Variants in NALF1 observed in about 807,000 individuals in gnomAD.
NALF1 encodes family with sequence similarity 155 member A.
Under a neutral mutation model 48.4 loss-of-function variants are expected in NALF1, and 3 were observed. The observed-to-expected ratio is 0.06, with a 90% CI of 0.03 to 0.16. The LOEUF is 0.16. Among genes scored for constraint, NALF1 ranks in the 10% least tolerant of loss-of-function variants. The pLI is 1.00. For missense variants in NALF1, 526 were observed against 571.5 expected, an observed-to-expected ratio of 0.92 and a Z score of 0.81; for synonymous variants, 262 against 245.7, an observed-to-expected ratio of 1.07 and a Z score of -0.62.
chr13:107,665,813 TA>T (rs1262249375), intron 1 of NALF1, among the ~76,000 whole-genome samples: 6 of 152,088 alleles, frequency 3.9e-5, no homozygotes, highest in African/African-American at 1.4e-4. Context: ...ATGAAAAAGA[TA>T]AACTTTATTT....
intron 1 of NALF1, among the ~76,000 whole-genome samples, chr13:107,348,334 G>A (rs541928623): frequency 3.9e-5 from 6 of 152,144 alleles, no homozygotes; most frequent in East Asian, 1.9e-4. Context: ...AAAGTGTTAC[G>A]TTCACTCGGA....
chr13:107,695,384 A>G (rs922593514), intron 1 of NALF1, among the ~76,000 whole-genome samples: 2 of 152,310 alleles, frequency 1.3e-5, no homozygotes, highest in East Asian at 3.9e-4. Flanking sequence ...ACAAACAAAC[A>G]TAAGTCGACC....
At chr13:107,506,670 C>G (rs146556677) in intron 1 of NALF1, among the ~76,000 whole-genome samples, 4 of 152,060 alleles carry the variant, frequency 2.6e-5, no homozygotes, top group Non-Finnish European at 5.9e-5. Context: ...TTTCATTTTA[C>G]ATAATATTTT....
chr13:107,545,176 A>C (rs1456682554), intron 1 of NALF1, among the ~76,000 whole-genome samples: 1 of 152,234 alleles, frequency 6.6e-6, no homozygotes, highest in Non-Finnish European at 1.5e-5. Flanking sequence ...CATTCACATA[A>C]GATGAAGAAA....
chr13:107,664,249 T>C (rs748460792), intron 1 of NALF1, among the ~76,000 whole-genome samples: 9 of 152,140 alleles, frequency 5.9e-5, no homozygotes, highest in South Asian at 4.1e-4. Context: ...ACAAAATCTG[T>C]CCACTTATCT....
At position 107,166,060 on chromosome 13, in the gene NALF1, ATC is replaced by A. The variant is rs1474948209; in HGVS notation, c.*4435_*4436del. The A allele has an allele frequency of 6.6e-6, 1 of 151,588 alleles. No individual in the cohort carries two copies. Among genetic ancestry groups the A allele is most frequent in the Non-Finnish European group, 1.5e-5 (1 of 67,936 alleles). The allele number at this position is 151,588 out of a possible 1,614,324, so 9.4% of individuals were successfully genotyped here. A position where few individuals can be genotyped will look rare whatever the true frequency, so the allele number is the denominator to read the frequency against. ...TGTGTGTATGTATATATATCTTTAT[ATC>A]TCTCTAAAGATATGCCATAGTATAT... On this transcript the variant is annotated 3_prime_UTR_variant, in exon 3 of 3. Transcript: ENST00000375915.
chr13:107,833,711 TGAAA>T (rs1879808477), intron 1 of NALF1, among the ~76,000 whole-genome samples: 1 of 152,186 alleles, frequency 6.6e-6, no homozygotes, highest in Non-Finnish European at 1.5e-5. Context: ...GTTAAAATGT[TGAAA>T]GAAAGGACAA....
chr13:107,660,119 A>G (rs7491291), intron 1 of NALF1, among the ~76,000 whole-genome samples: 86,092 of 151,838 alleles, frequency 0.57, 25,291 homozygotes, highest in African/African-American at 0.72. Context: ...TTTTGATAAC[A>G]CAAACCATAG....
chr13:107,440,566 G>A (rs879532450), intron 1 of NALF1, among the ~76,000 whole-genome samples: 2 of 152,156 alleles, frequency 1.3e-5, no homozygotes, highest in Non-Finnish European at 1.5e-5. Flanking sequence ...AGAGGACACC[G>A]TGTTCTCTGA....
intron 1 of NALF1, among the ~76,000 whole-genome samples, chr13:107,229,983 G>A (rs1880186206): frequency 6.6e-6 from 1 of 152,186 alleles, no homozygotes. Flanking sequence ...GTAGAGAGAA[G>A]TCCTGTTGCA....
chr13:107,205,514 C>A (rs540705356), intron 2 of NALF1, among the ~76,000 whole-genome samples: 1 of 152,228 alleles, frequency 6.6e-6, no homozygotes, highest in South Asian at 2.1e-4. Context: ...CGCCCATCTC[C>A]CATTGCAGCC....
chr13:107,511,078 C>G (rs1875873985), intron 1 of NALF1, among the ~76,000 whole-genome samples: 1 of 152,132 alleles, frequency 6.6e-6, no homozygotes, highest in South Asian at 2.1e-4. Context: ...CTGAGATGTC[C>G]CATGCTTTCC....
chr13:107,616,098 G>T (rs1211415319), intron 1 of NALF1, among the ~76,000 whole-genome samples: 1 of 152,158 alleles, frequency 6.6e-6, no homozygotes, highest in Non-Finnish European at 1.5e-5. Flanking sequence ...AACTATTGCT[G>T]AAGATAAAGA....
chr13:107,606,198 G>C (rs1358265429), intron 1 of NALF1, among the ~76,000 whole-genome samples: 1 of 151,930 alleles, frequency 6.6e-6, no homozygotes, highest in Non-Finnish European at 1.5e-5. Context: ...AAATCAGGTA[G>C]TAGAAGTGGA....
chr13:107,420,336 A>C (rs1470281881), intron 1 of NALF1, among the ~76,000 whole-genome samples: 1 of 152,234 alleles, frequency 6.6e-6, no homozygotes, highest in African/African-American at 2.4e-5. Flanking sequence ...TGCTAACGTG[A>C]TATTATAAAT....
Position 107,866,199 on chromosome 13 carries a change from G to C in NALF1, c.398C>G (p.Pro133Arg), listed in dbSNP as rs746546835. Reference sequence around the variant, plus strand: ...GCCGCCGCCGCCGTCTCCCGGGGAGGGGGGCAGGGTGGGGGACGAGGAGGC... The same window carrying C: ...GCCGCCGCCGCCGTCTCCCGGGGAGCGGGGCAGGGTGGGGGACGAGGAGGC... ...LSASSSPTLPPSPGDGGGGGG... is the reference protein window; with the variant it reads ...LSASSSPTLPRSPGDGGGGGG... Residue 133 changes from proline (P) to arginine (R), a missense_variant, in exon 1 of 3, where the codon CCC becomes CGC. By Grantham distance (103) the Pro-to-Arg change is moderately radical. Coordinates refer to ENST00000375915, the MANE Select transcript of NALF1 (RefSeq NM_001080396.3). The surrounding 1 kb of genome is among the most constrained non-coding windows in gnomAD (Gnocchi z 4.4). 2.5e-6 allele frequency: 4 copies of C among 1,602,538 alleles called. No individual in the cohort carries two copies. Among genetic ancestry groups the C allele is most frequent in the East Asian group, 2.2e-5 (1 of 44,772 alleles).
chr13:107,615,479 T>C (rs1357692597), intron 1 of NALF1, among the ~76,000 whole-genome samples: 4 of 152,194 alleles, frequency 2.6e-5, no homozygotes, highest in Non-Finnish European at 2.9e-5. Context: ...CTGTTTCTTA[T>C]AATTATCTCC....
At chr13:107,502,577 A>G (rs947112033) in intron 1 of NALF1, among the ~76,000 whole-genome samples, 3 of 152,030 alleles carry the variant, frequency 2.0e-5, no homozygotes, top group African/African-American at 7.2e-5. Flanking sequence ...AAACTCCTTA[A>G]CCCTTCCCCT....
At chr13:107,860,739 T>A (rs996476680) in intron 1 of NALF1, among the ~76,000 whole-genome samples, 1 of 152,258 alleles carries the variant, frequency 6.6e-6, no homozygotes, top group African/African-American at 2.4e-5. Context: ...ATAGTTCACA[T>A]CATTCAAATC....
Sources: gnomAD v4.1 joint callset for allele counts (sites outside exome capture counted in the v4.1 genomes callset) on GRCh38, gnomAD v4.1.1 for gene constraint, Gnocchi (gnomAD v3.1) non-coding constraint, MANE v1.5 for transcripts, NCBI Gene and HGNC (gene_info 2026-07-23, HGNC 2026-07-21) for gene names.